MPRIP: variants seen among roughly 807,000 people sequenced by gnomAD.
MPRIP encodes myosin phosphatase Rho-interacting protein.
Under a neutral mutation model 234.9 loss-of-function variants are expected in MPRIP, and 59 were observed. The ratio of observed to expected loss-of-function variants is 0.25; its 90% CI spans 0.20 to 0.31. MPRIP has a LOEUF of 0.31. Ranked by LOEUF, MPRIP falls within the 10% of genes least tolerant of loss-of-function variation. MPRIP has a pLI of 1.00. For synonymous variants in MPRIP, 1,144 were observed against 1,263.9 expected, an observed-to-expected ratio of 0.91 and a Z score of 2.01; for missense variants, 2,436 against 3,071.0, an observed-to-expected ratio of 0.79 and a Z score of 4.89.
At chr17:17,084,224 G>A (rs1260401324) in intron 3 of MPRIP, among the ~76,000 whole-genome samples, 1 of 152,178 alleles carries the variant, frequency 6.6e-6, no homozygotes, top group Non-Finnish European at 1.5e-5. Flanking sequence ...CCTCTTCTGT[G>A]GTGAAGCTCA....
At chr17:17,160,508 A>G (rs1349436032) in intron 14 of MPRIP, among the ~76,000 whole-genome samples, 3 of 152,242 alleles carry the variant, frequency 2.0e-5, no homozygotes, top group African/African-American at 4.8e-5. Context: ...AGCCCTGCAC[A>G]TGGCCAGGCA....
intron 19 of MPRIP, 104 bp from the exon 20 acceptor site, chr17:17,175,188 TC>T: frequency 6.5e-7 from 1 of 1,539,990 alleles, no homozygotes; most frequent in Non-Finnish European, 8.9e-7. Context: ...CCTACGCAGT[TC>T]CACAGATACA....
Position 17,177,457 on chromosome 17 carries a change from A to G in MPRIP, c.7120+45A>G, listed in dbSNP as rs770661660. ...CCTCTCGGTTATTGCTGGGGGGCTT[A>G]TGGGGGTTTGGTCGTAGAGGTTTCC... On this transcript the variant is annotated intron_variant, in intron 22 of 23. Transcript: ENST00000651222. 1.9e-6 allele frequency: 3 copies of G among 1,592,884 alleles called. No homozygotes were observed. The South Asian group carries it at 3.3e-5, about 18-fold the overall frequency.
At chr17:17,121,340 A>T (rs530336990) in intron 3 of MPRIP, among the ~76,000 whole-genome samples, 1 of 152,358 alleles carries the variant, frequency 6.6e-6, no homozygotes, top group African/African-American at 2.4e-5. Flanking sequence ...GTATTGATGT[A>T]TCCAAACCTA....
At chr17:17,046,776 C>T (rs2088366154) in intron 1 of MPRIP, among the ~76,000 whole-genome samples, 1 of 152,188 alleles carries the variant, frequency 6.6e-6, no homozygotes, top group African/African-American at 2.4e-5. Flanking sequence ...TGTCTGTGGG[C>T]TATATGGTCT....
intron 3 of MPRIP, among the ~76,000 whole-genome samples, chr17:17,102,010 C>A (rs1346896655): frequency 6.6e-6 from 1 of 151,948 alleles, no homozygotes; most frequent in Non-Finnish European, 1.5e-5. Context: ...AGTCCTCTGG[C>A]TTCTAGGCTT....
At chr17:17,083,155 T>G (rs2089505423) in intron 3 of MPRIP, among the ~76,000 whole-genome samples, 1 of 152,224 alleles carries the variant, frequency 6.6e-6, no homozygotes, top group Admixed American at 6.5e-5. Flanking sequence ...GGGGCTGTGC[T>G]AAGGACTCAT....
At chr17:17,048,582 ACAAATGCTCAGCGTTGTCATCAG>A (rs756747326) in intron 1 of MPRIP, among the ~76,000 whole-genome samples, 5 of 152,216 alleles carry the variant, frequency 3.3e-5, no homozygotes, top group Admixed American at 6.5e-5. Context: ...AAGCACCATG[ACAAATGCTCAGCGTTGTCATCAG>A]CGAAACCCAA....
intron 9 of MPRIP, among the ~76,000 whole-genome samples, chr17:17,144,100 C>A (rs1387560784): frequency 6.6e-6 from 1 of 152,242 alleles, no homozygotes; most frequent in Non-Finnish European, 1.5e-5. Context: ...GCACCAGGTT[C>A]TCCATGGGCC....
At chr17:17,168,876 C>CTA (rs1444836995) in intron 16 of MPRIP, 1 of 456,756 alleles carries the variant, frequency 2.2e-6, no homozygotes, top group South Asian at 1.5e-5. Context: ...AAGCTCCTGA[C>CTA]TCCCAGGTGG....
intron 1 of MPRIP, among the ~76,000 whole-genome samples, chr17:17,050,531 A>G (rs1032910127): frequency 6.6e-6 from 1 of 152,156 alleles, no homozygotes; most frequent in Non-Finnish European, 1.5e-5. Context: ...CTGGGGTGCC[A>G]CAGGTGGTGG....
intron 1 of MPRIP, among the ~76,000 whole-genome samples, chr17:17,063,910 C>T (rs1218088488): frequency 6.6e-6 from 1 of 152,200 alleles, no homozygotes; most frequent in Non-Finnish European, 1.5e-5. Context: ...CCCTGGCCAC[C>T]CGCTTGGGGC....
intron 4 of MPRIP, among the ~76,000 whole-genome samples, chr17:17,129,253 A>G (rs1296969157): frequency 6.6e-6 from 1 of 151,704 alleles, no homozygotes; most frequent in Non-Finnish European, 1.5e-5. Flanking sequence ...TGAAGTCTGG[A>G]CTTCCCTTCT....
rs114710308 is a variant in MPRIP, at chr17:17,113,023, A to C, written c.268-13679A>C. Among the ~76,000 whole-genome samples, 504 of 152,300 alleles carry C rather than the reference A, an allele frequency of 3.3e-3. 3 individuals carry two copies. The highest frequency in any genetic ancestry group is 0.012 in the African/African-American group (489 of 41,566). ...GGAACTTGGGGTCTCACTAGCTCCC[A>C]TGAGCTTTGGGAGCTGTCCACTTGG... On this transcript the variant is annotated intron_variant, in intron 3 of 23. Coordinates refer to ENST00000651222, the MANE Select transcript of MPRIP (RefSeq NM_001364716.4).
At chr17:17,101,690 A>G (rs535006167) in intron 3 of MPRIP, among the ~76,000 whole-genome samples, 2 of 152,366 alleles carry the variant, frequency 1.3e-5, no homozygotes, top group African/African-American at 4.8e-5. Flanking sequence ...AGTTGTGTAT[A>G]TATTTTCCTG....
Position 17,164,422 on chromosome 17 carries a change from G to A in MPRIP, c.2831G>A (p.Ser944Asn). 7.9e-7 allele frequency: 1 copy of A among 1,272,780 alleles called. No individual in the cohort carries two copies. The highest frequency in any genetic ancestry group is 1.0e-6 in the Non-Finnish European group (1 of 978,460). The allele number at this position is 1,272,780 out of a possible 1,614,324, so 78.8% of individuals were successfully genotyped here. A position where few individuals can be genotyped will look rare whatever the true frequency, so the allele number is the denominator to read the frequency against. Residue 944 changes from serine (S) to asparagine (N), a missense_variant, in exon 16 of 24, where the codon AGC becomes AAC. Ser to Asn is a conservative substitution (Grantham distance 46). This residue lies in a region of MPRIP where 1,998 missense variants were observed against 2,520.3 expected (regional missense o/e 0.79). Coordinates refer to ENST00000651222, the MANE Select transcript of MPRIP (RefSeq NM_001364716.4). ...VREQLEERQHSEAALSSQLRA... is the reference protein window; with the variant it reads ...VREQLEERQHNEAALSSQLRA... ...GAGCAGCTGGAGGAGCGGCAACACA[G>A]CGAGGCGGCGCTGAGCAGCCAGCTG...
intron 1 of MPRIP, chr17:17,057,944 T>A (rs1030142138): frequency 1.1e-5 from 5 of 472,728 alleles, no homozygotes; most frequent in Non-Finnish European, 1.9e-5. Context: ...AAATGAATGC[T>A]CGTGAACCTG....
In MPRIP at chr17:17,042,599, C is replaced by A; in HGVS notation, c.-250C>A. ...GGAAGCAGCGGGCCCGAGGCCGCGT[C>A]CATGGGCCCGCGGCGGCCGGGCGGC... On this transcript the variant is annotated 5_prime_UTR_variant, in exon 1 of 24. Transcript: ENST00000651222. 5.9e-6 allele frequency: 1 copy of A among 168,086 alleles called. No individual in the cohort carries two copies. The highest frequency in any genetic ancestry group is 1.8e-4 in the South Asian group (1 of 5,648). The allele number at this position is 168,086 out of a possible 1,614,324, so 10.4% of individuals were successfully genotyped here. A position where few individuals can be genotyped will look rare whatever the true frequency, so the allele number is the denominator to read the frequency against.
At position 17,173,944 on chromosome 17, in the gene MPRIP, C is replaced by T; in HGVS notation, c.6619C>T (p.Leu2207=). 1 of 1,613,626 alleles carries T rather than the reference C, an allele frequency of 6.2e-7. No individual in the cohort carries two copies. The highest frequency in any genetic ancestry group is 1.3e-5 in the African/African-American group (1 of 75,060). The stretch of plus-strand genomic sequence containing the variant: ...GGAGCTGCAGTCGGTGCAGCGGGAA[C>T]TGGAGGTCCTCTCGGAGCAGTACTC... ...LEELQSVQRE[L]EVLSEQYSQK... Residue 2207 remains leucine, a synonymous_variant, in exon 19 of 24, where the codon CTG becomes TTG. Coordinates refer to ENST00000651222, the MANE Select transcript of MPRIP (RefSeq NM_001364716.4).
Sources: gnomAD v4.1 joint callset for allele counts (sites outside exome capture counted in the v4.1 genomes callset) on GRCh38, gnomAD v4.1.1 for gene constraint, gnomAD v4.1.1 regional missense constraint, MANE v1.5 for transcripts, NCBI Gene and HGNC (gene_info 2026-07-23, HGNC 2026-07-21) for gene names.